The following DGKB variants were observed in gnomAD, a reference collection of about 807,000 sequenced individuals.
The protein encoded by DGKB is 90 kDa diacylglycerol kinase.
A neutral mutation model predicts 114.3 loss-of-function variants in DGKB; 67 were observed. That is an observed-to-expected ratio of 0.59 (90% confidence interval 0.48 to 0.72). The LOEUF (loss-of-function observed/expected upper bound fraction) is 0.72, where lower values mean the gene tolerates loss of function less well. Ranked by LOEUF, DGKB falls within the 30% of genes least tolerant of loss-of-function variation. The probability of loss-of-function intolerance (pLI) is 0.00; values close to 1 mark genes in which losing one functional copy is unlikely to be tolerated. For synonymous variants in DGKB, 398 were observed against 323.1 expected, an observed-to-expected ratio of 1.23 and a Z score of -2.49; for missense variants, 907 against 975.2, an observed-to-expected ratio of 0.93 and a Z score of 0.93.
chr7:14,167,506 T>G (rs1784782112), intron 25 of DGKB, among the ~76,000 whole-genome samples: 1 of 152,032 alleles, frequency 6.6e-6, no homozygotes, highest in South Asian at 2.1e-4. Context: ...AAAAAAAATA[T>G]CAGAGAGATC....
chr7:14,188,850 CCTT>C (rs1783873164), intron 23 of DGKB, among the ~76,000 whole-genome samples: 1 of 151,864 alleles, frequency 6.6e-6, no homozygotes, highest in African/African-American at 2.4e-5. Context: ...TCAGCAGAAA[CCTT>C]AAAGCTGGTA....
At chr7:14,480,290 T>C (rs891585686) in intron 20 of DGKB, among the ~76,000 whole-genome samples, 1 of 152,084 alleles carries the variant, frequency 6.6e-6, no homozygotes, top group African/African-American at 2.4e-5. Context: ...ATGGATCATT[T>C]AGTTAAGAGG....
chr7:14,674,706 C>A (rs1330013547), intron 12 of DGKB, among the ~76,000 whole-genome samples: 2 of 151,972 alleles, frequency 1.3e-5, no homozygotes, highest in Non-Finnish European at 2.9e-5. Flanking sequence ...AGAGAGACAA[C>A]GGCACAGAGA....
At chr7:14,642,172 C>T (rs1288637774) in intron 13 of DGKB, among the ~76,000 whole-genome samples, 1 of 151,784 alleles carries the variant, frequency 6.6e-6, no homozygotes, top group Non-Finnish European at 1.5e-5. Flanking sequence ...TCTGCTAAAA[C>T]ATTATTTTTT....
intron 20 of DGKB, among the ~76,000 whole-genome samples, chr7:14,500,499 C>A (rs930489943): frequency 2.7e-5 from 4 of 150,794 alleles, no homozygotes; most frequent in African/African-American, 9.7e-5. Flanking sequence ...ATCATCTTTC[C>A]TAAAATAGTA....
chr7:14,659,034 T>A (rs1449805832), intron 13 of DGKB, among the ~76,000 whole-genome samples: 1 of 151,930 alleles, frequency 6.6e-6, no homozygotes, highest in Non-Finnish European at 1.5e-5. Flanking sequence ...AAGCCCCACA[T>A]GCATTAGGTA....
chr7:14,374,045 CTCT>C (rs1253444576), intron 21 of DGKB, among the ~76,000 whole-genome samples: 1 of 152,012 alleles, frequency 6.6e-6, no homozygotes, highest in Non-Finnish European at 1.5e-5. Context: ...TCATGCTCTC[CTCT>C]TCTCTTCTCC....
chr7:14,394,072 G>C (rs1263097752), intron 21 of DGKB, among the ~76,000 whole-genome samples: 4 of 151,952 alleles, frequency 2.6e-5, no homozygotes, highest in Non-Finnish European at 5.9e-5. Context: ...AATTCACAGT[G>C]GTATCTAGAA....
At chr7:14,435,770 T>G (rs1829147760) in intron 21 of DGKB, among the ~76,000 whole-genome samples, 1 of 152,106 alleles carries the variant, frequency 6.6e-6, no homozygotes, top group African/African-American at 2.4e-5. Flanking sequence ...AAACTTTGTT[T>G]TTGAAAATTA....
chr7:14,160,048 T>C (rs1477111610), intron 25 of DGKB, among the ~76,000 whole-genome samples: 1 of 152,132 alleles, frequency 6.6e-6, no homozygotes, highest in Non-Finnish European at 1.5e-5. Flanking sequence ...TCATGTTTAA[T>C]AATAGCTATT....
At chr7:14,966,505 C>T (rs1276894525) in intron 1 of DGKB, among the ~76,000 whole-genome samples, 3 of 151,942 alleles carry the variant, frequency 2.0e-5, no homozygotes, top group East Asian at 3.9e-4. Flanking sequence ...CTCACCATGT[C>T]GCCCAGGCTG....
intron 20 of DGKB, among the ~76,000 whole-genome samples, chr7:14,571,001 G>A (rs777885506): frequency 7.2e-5 from 11 of 152,210 alleles, no homozygotes; most frequent in African/African-American, 1.7e-4. Context: ...TGCAGTAAGC[G>A]TATTTAGCAG....
chr7:14,229,712 A>G (rs1242073609), intron 23 of DGKB, among the ~76,000 whole-genome samples: 1 of 151,996 alleles, frequency 6.6e-6, no homozygotes, highest in Non-Finnish European at 1.5e-5. Flanking sequence ...TACAAAATAC[A>G]CTTATGATCA....
At chr7:14,482,919 G>T (rs1010637538) in intron 20 of DGKB, among the ~76,000 whole-genome samples, 11 of 152,062 alleles carry the variant, frequency 7.2e-5, no homozygotes, top group African/African-American at 2.4e-4. Flanking sequence ...ATTAAATAGA[G>T]CCAGAAGGTT....
At chr7:14,566,300 A>G (rs1797372288) in intron 20 of DGKB, among the ~76,000 whole-genome samples, 1 of 152,156 alleles carries the variant, frequency 6.6e-6, no homozygotes, top group Non-Finnish European at 1.5e-5. Flanking sequence ...TTTTTACTCT[A>G]AATAAACTGA....
intron 20 of DGKB, among the ~76,000 whole-genome samples, chr7:14,530,681 T>C (rs886244873): frequency 6.6e-6 from 1 of 151,494 alleles, no homozygotes; most frequent in Admixed American, 6.6e-5. Flanking sequence ...ATACAAGATA[T>C]AGCAAGGTAG....
rs1800256816 is a variant in DGKB, at chr7:14,583,438, T to A, written c.1434-301A>T. 3.3e-5 allele frequency among the ~76,000 whole-genome samples: 5 copies of A among 152,188 alleles called. No individual in the cohort carries two copies. The South Asian group carries it at 1.0e-3, about 31-fold the overall frequency. ...TAAATTATAATAATTTTCATTGATA[T>A]TCTCCCAGATGTGATTTGCAGTTCG... On this transcript the variant is annotated intron_variant, in intron 17 of 25. Transcript: ENST00000402815.
At chr7:14,566,182 CTT>C (rs967653984) in intron 20 of DGKB, among the ~76,000 whole-genome samples, 2 of 151,978 alleles carry the variant, frequency 1.3e-5, no homozygotes, top group Non-Finnish European at 2.9e-5. Context: ...AATGCTGAAA[CTT>C]TGCTGTATAA....
intron 1 of DGKB, among the ~76,000 whole-genome samples, chr7:14,899,097 T>C (rs1470235123): frequency 6.6e-6 from 1 of 152,170 alleles, no homozygotes; most frequent in African/African-American, 2.4e-5. Context: ...TTGTCTTCTG[T>C]GATAAGACAA....
Sources: allele counts gnomAD v4.1 joint callset (sites outside exome capture counted in the v4.1 genomes callset), GRCh38; gene constraint gnomAD v4.1.1; transcripts MANE v1.5; gene names NCBI Gene and HGNC (gene_info 2026-07-23, HGNC 2026-07-21).